The following NBEA variants were observed in gnomAD, a reference collection of about 807,000 sequenced individuals.
NBEA encodes the protein lysosomal-trafficking regulator 2.
Under a neutral mutation model 343.4 loss-of-function variants are expected in NBEA, and 44 were observed. That is an observed-to-expected ratio of 0.13 (90% CI 0.10 to 0.16). The LOEUF (loss-of-function observed/expected upper bound fraction) is 0.16, where lower values mean the gene tolerates loss of function less well. Ranked by LOEUF, NBEA falls within the 10% of genes least tolerant of loss-of-function variation. NBEA has a pLI of 1.00. For missense variants in NBEA, 2,555 were observed against 3,631.3 expected (o/e 0.70, Z 7.62); for synonymous variants, 1,175 against 1,238.7 (o/e 0.95, Z 1.08).
chr13:35,558,289 T>C (rs9574121), intron 44 of NBEA, among the ~76,000 whole-genome samples: 10,791 of 152,200 alleles, frequency 0.071, 633 homozygotes, highest in East Asian at 0.22. Flanking sequence ...TACAATTTTA[T>C]AATGTATAAA....
intron 40 of NBEA, among the ~76,000 whole-genome samples, chr13:35,464,491 A>G (rs1386937910): frequency 6.6e-6 from 1 of 152,118 alleles, no homozygotes; most frequent in Non-Finnish European, 1.5e-5. Flanking sequence ...TCCCCACCAA[A>G]AATAGGCCGG....
At position 35,460,510 on chromosome 13, in the gene NBEA, T is replaced by C. The variant is rs115066764; in HGVS notation, c.6448+8275T>C. 7.5e-3 allele frequency among the ~76,000 whole-genome samples: 1,142 copies of C among 152,294 alleles called. 20 individuals are homozygous for C. The highest frequency in any genetic ancestry group is 0.026 in the African/African-American group (1,073 of 41,578). The stretch of plus-strand genomic sequence containing the variant: ...TCAGTTAAGGTGTTATAAAAATAAA[T>C]AAAAGCTTCATCTTGAATATTGAGC... On this transcript the variant is annotated intron_variant, in intron 40 of 58. Transcript: ENST00000379939.
chr13:35,183,366 A>G (rs910825291), intron 29 of NBEA, among the ~76,000 whole-genome samples: 1 of 152,050 alleles, frequency 6.6e-6, no homozygotes, highest in African/African-American at 2.4e-5. Context: ...AAATAAATGC[A>G]TATGATTTAT....
chr13:35,259,221 T>G (rs1173324911), intron 34 of NBEA, among the ~76,000 whole-genome samples: 1 of 152,204 alleles, frequency 6.6e-6, no homozygotes, highest in Non-Finnish European at 1.5e-5. Flanking sequence ...TTCATTTTAT[T>G]TTTAGCTCGG....
intron 1 of NBEA, among the ~76,000 whole-genome samples, chr13:35,030,689 T>C (rs2062178639): frequency 6.6e-6 from 1 of 151,732 alleles, no homozygotes. Context: ...GATATTTTCA[T>C]TCAGCAGTTA....
intron 1 of NBEA, among the ~76,000 whole-genome samples, chr13:35,028,982 G>T (rs1436409186): frequency 6.6e-6 from 1 of 151,478 alleles, no homozygotes; most frequent in Non-Finnish European, 1.5e-5. Flanking sequence ...ATATTCCATT[G>T]TATGGACTAT....
chr13:34,981,261 G>C (rs1187370375), intron 1 of NBEA, among the ~76,000 whole-genome samples: 1 of 152,100 alleles, frequency 6.6e-6, no homozygotes, highest in African/African-American at 2.4e-5. Context: ...ATATTATGTG[G>C]ATATACCACA....
At chr13:35,616,300 T>C (rs974498174) in intron 48 of NBEA, among the ~76,000 whole-genome samples, 1 of 152,218 alleles carries the variant, frequency 6.6e-6, no homozygotes, top group African/African-American at 2.4e-5. Flanking sequence ...AACAAAACCA[T>C]AGTAGAATAA....
At chr13:35,329,558 A>G (rs1008851649) in intron 36 of NBEA, among the ~76,000 whole-genome samples, 1 of 152,030 alleles carries the variant, frequency 6.6e-6, no homozygotes, top group African/African-American at 2.4e-5. Context: ...TGGAACTTAA[A>G]AATGCTTATG....
rs116494874 is a variant in NBEA at position 35,667,335 on chromosome 13, T to C, written c.8465-39T>C. The C allele has an allele frequency of 1.9e-3, 2,915 of 1,569,500 alleles. 42 individuals carry two copies. In the African/African-American group the frequency reaches 0.034, roughly 18 times the overall value. On this transcript the variant is annotated intron_variant, in intron 56 of 58. Coordinates refer to ENST00000379939, the MANE Select transcript of NBEA (RefSeq NM_001385012.1). Reference sequence around the variant, plus strand: ...GTGGGAGCTAGTATGTCGTTTGTCGTCCCCAACTGACCCTGGCATTGATGT... The same window carrying C: ...GTGGGAGCTAGTATGTCGTTTGTCGCCCCCAACTGACCCTGGCATTGATGT...
chr13:35,300,168 T>C (rs1343208592), intron 35 of NBEA, among the ~76,000 whole-genome samples: 2 of 152,062 alleles, frequency 1.3e-5, no homozygotes, highest in Non-Finnish European at 2.9e-5. Context: ...AGAAGTACTT[T>C]TTGAAATTAG....
intron 35 of NBEA, among the ~76,000 whole-genome samples, chr13:35,300,247 C>T (rs112529394): frequency 0.017 from 2,583 of 152,170 alleles, 50 homozygotes; most frequent in African/African-American, 0.042. Context: ...TCGCTTGAAC[C>T]CGGGATGTGG....
At chr13:35,096,677 T>C (rs2152635898) in intron 10 of NBEA, among the ~76,000 whole-genome samples, 1 of 152,102 alleles carries the variant, frequency 6.6e-6, no homozygotes, top group East Asian at 1.9e-4. Context: ...AAGAATTCTA[T>C]GAACAGATTA....
At chr13:35,577,320 AC>A (rs1566351158) in intron 45 of NBEA, among the ~76,000 whole-genome samples, 1 of 152,210 alleles carries the variant, frequency 6.6e-6, no homozygotes, top group Non-Finnish European at 1.5e-5. Flanking sequence ...CACCAGGTAG[AC>A]CAAGAGTGGG....
At chr13:35,074,684 A>T (rs1487101978) in intron 10 of NBEA, among the ~76,000 whole-genome samples, 1 of 152,118 alleles carries the variant, frequency 6.6e-6, no homozygotes, top group East Asian at 1.9e-4. Context: ...ACTTATTTTT[A>T]AAAAATAAAT....
At chr13:35,428,366 ATGT>A (rs2044856125) in intron 38 of NBEA, among the ~76,000 whole-genome samples, 2 of 152,158 alleles carry the variant, frequency 1.3e-5, no homozygotes, top group African/African-American at 2.4e-5. Flanking sequence ...CAAATGCTAA[ATGT>A]TGTGCTCCAC....
chr13:35,038,488 A>G (rs1358232878), intron 1 of NBEA, among the ~76,000 whole-genome samples: 3 of 152,012 alleles, frequency 2.0e-5, no homozygotes, highest in East Asian at 1.9e-4. Flanking sequence ...CCTGAAGCCA[A>G]CAAGTCTCAG....
At chr13:34,986,073 C>T (rs973837843) in intron 1 of NBEA, among the ~76,000 whole-genome samples, 5 of 150,514 alleles carry the variant, frequency 3.3e-5, no homozygotes, top group African/African-American at 1.2e-4. Context: ...CTTCCTTCTG[C>T]TAGCTTTTGA....
chr13:35,362,410 T>C (rs1401739530), intron 38 of NBEA, among the ~76,000 whole-genome samples: 7 of 151,964 alleles, frequency 4.6e-5, no homozygotes, highest in Non-Finnish European at 8.8e-5. Context: ...CTAATAAAGA[T>C]TATGAATTAT....
Sources: gnomAD v4.1 joint callset for allele counts (sites outside exome capture counted in the v4.1 genomes callset) on GRCh38, gnomAD v4.1.1 for gene constraint, MANE v1.5 for transcripts, NCBI Gene and HGNC (gene_info 2026-07-23, HGNC 2026-07-21) for gene names.